The following INPP5A variants were observed in gnomAD, a reference collection of about 807,000 sequenced individuals.
The protein encoded by INPP5A is 43 kDa inositol polyphosphate 5-phophatase.
A neutral mutation model predicts 65.2 loss-of-function variants in INPP5A; 14 were observed. The observed-to-expected ratio is 0.21, with a 90% CI of 0.14 to 0.34. INPP5A has a LOEUF of 0.34. INPP5A is among the 10% of genes least tolerant of loss of function. INPP5A has a pLI of 1.00. For synonymous variants in INPP5A, 207 were observed against 208.3 expected (o/e 0.99, Z 0.05); for missense variants, 431 against 545.6 (o/e 0.79, Z 2.09).
intron 8 of INPP5A, among the ~76,000 whole-genome samples, chr10:132,716,040 C>T (rs982229774): frequency 6.6e-6 from 1 of 152,246 alleles, no homozygotes; most frequent in African/African-American, 2.4e-5. Flanking sequence ...GGGCTCCTTT[C>T]GCCTGTGCCT....
At chr10:132,719,101 G>C (rs1215627114) in intron 8 of INPP5A, among the ~76,000 whole-genome samples, 1 of 147,814 alleles carries the variant, frequency 6.8e-6, no homozygotes, top group Non-Finnish European at 1.5e-5. Context: ...GGTTCTGTCT[G>C]GGCACCTTAG....
intron 2 of INPP5A, among the ~76,000 whole-genome samples, chr10:132,645,386 A>G (rs1330008225): frequency 6.6e-6 from 1 of 152,196 alleles, no homozygotes; most frequent in African/African-American, 2.4e-5. Context: ...ATGCATACAC[A>G]GGCACATGTG....
intron 1 of INPP5A, among the ~76,000 whole-genome samples, chr10:132,574,359 G>A (rs994083742): frequency 2.0e-5 from 3 of 148,222 alleles, no homozygotes; most frequent in East Asian, 2.1e-4. Flanking sequence ...TGGGATGTGC[G>A]TGCCGTGTGA....
chr10:132,621,098 C>T (rs1257718838), intron 2 of INPP5A, among the ~76,000 whole-genome samples: 1 of 152,160 alleles, frequency 6.6e-6, no homozygotes, highest in Non-Finnish European at 1.5e-5. Flanking sequence ...TCTTAGCAAA[C>T]TAGGAATAGA....
At chr10:132,542,482 C>A (rs747330969) in intron 1 of INPP5A, among the ~76,000 whole-genome samples, 1 of 152,194 alleles carries the variant, frequency 6.6e-6, no homozygotes, top group African/African-American at 2.4e-5. Context: ...CCTGGCAACA[C>A]CAAAGGTACT....
At chr10:132,665,017 C>T (rs957067507) in intron 4 of INPP5A, among the ~76,000 whole-genome samples, 1 of 152,130 alleles carries the variant, frequency 6.6e-6, no homozygotes, top group Non-Finnish European at 1.5e-5. Flanking sequence ...CCAGAACTTT[C>T]CTGAAGTCGT....
intron 8 of INPP5A, among the ~76,000 whole-genome samples, chr10:132,718,612 T>A (rs1197346278): frequency 6.7e-6 from 1 of 150,014 alleles, no homozygotes; most frequent in Admixed American, 6.7e-5. Flanking sequence ...GACGACTGTC[T>A]TCAGGGTTCT....
Position 132,775,435 on chromosome 10 carries a change from C to T in INPP5A, c.978-2236C>T, listed in dbSNP as rs185978172. ...CCAGGCCCCGCGTCCTGCTGCTCTGCAGCGTGGCCCCGCCAGCACCTCCCA... is the reference window on the plus strand; with the variant it reads ...CCAGGCCCCGCGTCCTGCTGCTCTGTAGCGTGGCCCCGCCAGCACCTCCCA... On this transcript the variant is annotated intron_variant, in intron 12 of 15. Coordinates refer to ENST00000368594, the MANE Select transcript of INPP5A (RefSeq NM_005539.5). Among the ~76,000 whole-genome samples the T allele has an allele frequency of 2.7e-3, 411 of 152,232 alleles. 6 individuals carry two copies. Among genetic ancestry groups the T allele is most frequent in the African/African-American group, 8.4e-3 (347 of 41,512 alleles).
At chr10:132,756,665 C>T (rs1003174994) in intron 11 of INPP5A, among the ~76,000 whole-genome samples, 2 of 152,364 alleles carry the variant, frequency 1.3e-5, no homozygotes, top group Non-Finnish European at 2.9e-5. Context: ...AACTGTGTTA[C>T]TGGTGTCTGC....
rs374678774 is a variant in INPP5A at position 132,597,866 on chromosome 10, G to A, written c.76-10049G>A. ...GCTGTGCTATGCGCAGTGACTCTGG[G>A]TCTGTGGTGCGTGTTCCGGGGCTGT... On this transcript the variant is annotated intron_variant, in intron 1 of 15. Coordinates refer to ENST00000368594, the MANE Select transcript of INPP5A (RefSeq NM_005539.5). Among the ~76,000 whole-genome samples, 49 of 150,958 alleles carry A rather than the reference G, an allele frequency of 3.2e-4. No homozygotes were observed. In the South Asian group the frequency reaches 7.6e-3, roughly 23 times the overall value.
At chr10:132,755,408 G>A (rs1846581299) in intron 11 of INPP5A, among the ~76,000 whole-genome samples, 1 of 151,992 alleles carries the variant, frequency 6.6e-6, no homozygotes, top group African/African-American at 2.4e-5. Flanking sequence ...GCGAGTGTGT[G>A]TGAGCAGGCA....
rs375273912 is a variant in INPP5A, at chr10:132,627,486, G to A, written c.118-18382G>A. 3.3e-5 allele frequency among the ~76,000 whole-genome samples: 5 copies of A among 152,170 alleles called. No individual in the cohort carries two copies. The highest frequency in any genetic ancestry group is 4.8e-5 in the African/African-American group (2 of 41,446). On this transcript the variant is annotated intron_variant, in intron 2 of 15. Coordinates refer to ENST00000368594, the MANE Select transcript of INPP5A (RefSeq NM_005539.5). This position sits in a 1 kb window ranked among gnomAD's most constrained non-coding sequence, Gnocchi z 6.6. ...TGCAGCTGTCCGCGGTGGCTGCCTC[G>A]TCCAGCAGCGTCCCTGCCAGAAGTG...
At chr10:132,586,923 G>A (rs942329883) in intron 1 of INPP5A, among the ~76,000 whole-genome samples, 1 of 152,192 alleles carries the variant, frequency 6.6e-6, no homozygotes, top group African/African-American at 2.4e-5. Context: ...CTTTGTGTTT[G>A]TAAATAGCGA....
rs1394156153 is a variant in INPP5A, at chr10:132,753,718, A to T, written c.903+3873A>T. 1 of 152,076 alleles carries T rather than the reference A, an allele frequency of 6.6e-6. No homozygotes were observed. Among genetic ancestry groups the T allele is most frequent in the African/African-American group, 2.4e-5 (1 of 41,408 alleles). The allele number at this position is 152,076 out of a possible 1,614,324, so 9.4% of individuals were successfully genotyped here. Reference sequence around the variant, plus strand: ...GGAGGGAGGTGTTTTCTGTGTGTTTAGCAACCGCTGTAGCCCCAGGTGCAT... The same window carrying T: ...GGAGGGAGGTGTTTTCTGTGTGTTTTGCAACCGCTGTAGCCCCAGGTGCAT... On this transcript the variant is annotated intron_variant, in intron 11 of 15. Transcript: ENST00000368594. The surrounding 1 kb of genome is among the most constrained non-coding windows in gnomAD (Gnocchi z 5.3).
chr10:132,570,759 G>A (rs780347866), intron 1 of INPP5A, among the ~76,000 whole-genome samples: 2 of 152,120 alleles, frequency 1.3e-5, no homozygotes, highest in African/African-American at 4.8e-5. Context: ...ACACCCATAC[G>A]GTGGTGACAC....
chr10:132,575,607 C>G lies in INPP5A; in HGVS notation c.76-32308C>G, dbSNP rs1474177672. 6.6e-6 allele frequency among the ~76,000 whole-genome samples: 1 copy of G among 152,224 alleles called. No homozygotes were observed. The highest frequency in any genetic ancestry group is 2.4e-5 in the African/African-American group (1 of 41,462). ...CGGAGCCAGTTATTTCTTGGCTTCT[C>G]TGTGGAAGTGCGTTTATTTGAAATC... On this transcript the variant is annotated intron_variant, in intron 1 of 15. Coordinates refer to ENST00000368594, the MANE Select transcript of INPP5A (RefSeq NM_005539.5). This position sits in a 1 kb window ranked among gnomAD's most constrained non-coding sequence, Gnocchi z 5.4.
chr10:132,626,417 A>G (rs896518935), intron 2 of INPP5A, among the ~76,000 whole-genome samples: 4 of 152,210 alleles, frequency 2.6e-5, no homozygotes, highest in Non-Finnish European at 5.9e-5. Context: ...GGAGCTGCCC[A>G]GGTGAGGTGC....
intron 4 of INPP5A, among the ~76,000 whole-genome samples, chr10:132,664,124 CTTG>C (rs1266134186): frequency 2.0e-5 from 3 of 152,210 alleles, no homozygotes; most frequent in East Asian, 1.9e-4. Context: ...CACAGTTTAG[CTTG>C]TTGTTCTGTT....
Position 132,547,625 on chromosome 10 carries a change from G to A in INPP5A, c.75+9454G>A, listed in dbSNP as rs530609918. On this transcript the variant is annotated intron_variant, in intron 1 of 15. Transcript: ENST00000368594. This position sits in a 1 kb window ranked among gnomAD's most constrained non-coding sequence, Gnocchi z 5.5. ...CTCCTCCTTCTCTACCCAAGCGCCC[G>A]TGGCCTGAACAGGACTTGGTTTTTC... Among the ~76,000 whole-genome samples, 1 of 152,300 alleles carries A rather than the reference G, an allele frequency of 6.6e-6. No individual in the cohort carries two copies. The highest frequency in any genetic ancestry group is 1.5e-5 in the Non-Finnish European group (1 of 68,018).
Sources: gnomAD v4.1 joint callset for allele counts (sites outside exome capture counted in the v4.1 genomes callset) on GRCh38, gnomAD v4.1.1 for gene constraint, Gnocchi (gnomAD v3.1) non-coding constraint, MANE v1.5 for transcripts, NCBI Gene and HGNC (gene_info 2026-07-23, HGNC 2026-07-21) for gene names.